GRIA1: variants seen among roughly 807,000 people sequenced by gnomAD.
The protein encoded by GRIA1 is glutamate receptor 1.
GRIA1 carries 31 observed loss-of-function variants against 99.2 expected under a neutral mutation model. The ratio of observed to expected loss-of-function variants is 0.31; its 90% confidence interval spans 0.23 to 0.42. The LOEUF (loss-of-function observed/expected upper bound fraction) is 0.42, where lower values mean the gene tolerates loss of function less well. Ranked by LOEUF, GRIA1 falls within the 10% of genes least tolerant of loss-of-function variation. The pLI is 1.00. For synonymous variants in GRIA1, 438 were observed against 432.4 expected, an observed-to-expected ratio of 1.01 and a Z score of -0.16; for missense variants, 782 against 1,157.5, an observed-to-expected ratio of 0.68 and a Z score of 4.71.
intron 11 of GRIA1, among the ~76,000 whole-genome samples, chr5:153,730,322 C>G (rs1760914160): frequency 6.6e-6 from 1 of 152,006 alleles, no homozygotes; most frequent in African/African-American, 2.4e-5. Context: ...GCCTTGCCCA[C>G]CCCTATAACT....
chr5:153,660,894 G>A (rs1755323086), intron 5 of GRIA1, among the ~76,000 whole-genome samples: 1 of 152,190 alleles, frequency 6.6e-6, no homozygotes, highest in Non-Finnish European at 1.5e-5. Flanking sequence ...TGTGACAGAA[G>A]CTGAGGAAGA....
rs554135785 is a variant in GRIA1 at position 153,657,282 on chromosome 5, C to T, written c.699+1410C>T. Among the ~76,000 whole-genome samples, 6 of 152,286 alleles carry T rather than the reference C, an allele frequency of 3.9e-5. No homozygotes were observed. The East Asian group carries it at 9.7e-4, about 24-fold the overall frequency. On this transcript the variant is annotated intron_variant, in intron 5 of 15. Coordinates refer to ENST00000285900, the MANE Select transcript of GRIA1 (RefSeq NM_000827.4). The stretch of plus-strand genomic sequence containing the variant: ...CCAAAATTATTTTCCAAAGTGGCTG[C>T]ATCACCCATCAAATTTTAATCAATA...
rs560522495 is a variant in GRIA1, at chr5:153,567,697, T to A, written c.220+73632T>A. On this transcript the variant is annotated intron_variant, in intron 2 of 15. Coordinates refer to ENST00000285900, the MANE Select transcript of GRIA1 (RefSeq NM_000827.4). The stretch of plus-strand genomic sequence containing the variant: ...TGATGACCTGAAGACAGAGTCCACC[T>A]TATGGGAAGCAGTGGAGCAAAAGCA... 2.0e-5 allele frequency among the ~76,000 whole-genome samples: 3 copies of A among 152,160 alleles called. No individual in the cohort carries two copies. The East Asian group carries it at 5.8e-4, about 29-fold the overall frequency.
intron 2 of GRIA1, among the ~76,000 whole-genome samples, chr5:153,501,385 G>A (rs147065858): frequency 4.6e-5 from 7 of 152,136 alleles, no homozygotes; most frequent in South Asian, 2.1e-4. Flanking sequence ...GAACCAGCTC[G>A]TGCAGGAGGA....
At chr5:153,804,740 T>A (rs150971678) in intron 15 of GRIA1, among the ~76,000 whole-genome samples, 1,366 of 40,090 alleles carry the variant, frequency 0.034, 5 homozygotes, top group Middle Eastern at 0.077. Flanking sequence ...TTAATTTATT[T>A]ATTTATTTAT....
chr5:153,744,570 G>A (rs6895523), intron 11 of GRIA1, among the ~76,000 whole-genome samples: 28 of 152,280 alleles, frequency 1.8e-4, no homozygotes, highest in African/African-American at 6.7e-4. Flanking sequence ...CCTACTTATG[G>A]AGTTTCACAT....
At chr5:153,803,204 C>A (rs1380323534) in intron 15 of GRIA1, among the ~76,000 whole-genome samples, 4 of 152,148 alleles carry the variant, frequency 2.6e-5, no homozygotes, top group Non-Finnish European at 4.4e-5. Flanking sequence ...AAAGAGCTAT[C>A]TAAAGAAAGG....
At chr5:153,590,138 G>T (rs1474866351) in intron 2 of GRIA1, among the ~76,000 whole-genome samples, 2 of 152,158 alleles carry the variant, frequency 1.3e-5, no homozygotes, top group Non-Finnish European at 2.9e-5. Context: ...ACATTTTCAA[G>T]TATCATTATA....
chr5:153,738,921 C>T (rs550303490), intron 11 of GRIA1, among the ~76,000 whole-genome samples: 3 of 151,690 alleles, frequency 2.0e-5, no homozygotes, highest in Admixed American at 6.6e-5. Flanking sequence ...GGGGTTTTAC[C>T]GTGTTAGCCA....
At chr5:153,717,567 A>T (rs1759755663) in intron 11 of GRIA1, among the ~76,000 whole-genome samples, 1 of 152,032 alleles carries the variant, frequency 6.6e-6, no homozygotes, top group Non-Finnish European at 1.5e-5. Context: ...GTTTAATGAT[A>T]AACCCAATAC....
intron 11 of GRIA1, chr5:153,755,438 G>C (rs992523958): frequency 1.3e-5 from 2 of 152,160 alleles, no homozygotes; most frequent in African/African-American, 4.8e-5. Flanking sequence ...TGAGGCAGGG[G>C]GATTACTTGA....
intron 2 of GRIA1, among the ~76,000 whole-genome samples, chr5:153,496,708 G>A (rs771795702): frequency 2.0e-5 from 3 of 152,184 alleles, no homozygotes; most frequent in African/African-American, 4.8e-5. Flanking sequence ...AAAAATGTCA[G>A]TGGGAGCAAA....
chr5:153,517,286 T>C (rs768432401), intron 2 of GRIA1, among the ~76,000 whole-genome samples: 1 of 152,212 alleles, frequency 6.6e-6, no homozygotes, highest in Non-Finnish European at 1.5e-5. Context: ...AGTGCCTGCA[T>C]GGCTTTATTT....
At chr5:153,795,637 A>G (rs758480843) in intron 14 of GRIA1, 3 of 1,021,022 alleles carry the variant, frequency 2.9e-6, no homozygotes, top group Non-Finnish European at 3.1e-6. Context: ...ACAAAAATGC[A>G]CAGTGTTGAA....
At position 153,577,154 on chromosome 5, in the gene GRIA1, TTGGATGGATGGA is replaced by T. The variant is rs35199031; in HGVS notation, c.221-69738_221-69727del. Among the ~76,000 whole-genome samples the T allele has an allele frequency of 7.4e-3, 893 of 120,040 alleles. 18 individuals are homozygous for T. The highest frequency in any genetic ancestry group is 0.019 in the African/African-American group (636 of 33,794). 78.8% of individuals were successfully genotyped at this position (120,040 alleles called of 152,430 possible). On this transcript the variant is annotated intron_variant, in intron 2 of 15. Transcript: ENST00000285900. Reference sequence around the variant, plus strand: ...GGTGGATGGATGGATGGATGGATGGTTGGATGGATGGATGGATGGATGGATGGATGGATGGAT... The same window carrying T: ...GGTGGATGGATGGATGGATGGATGGTTGGATGGATGGATGGATGGATGGAT...
At chr5:153,553,150 C>T (rs1465639679) in intron 2 of GRIA1, among the ~76,000 whole-genome samples, 1 of 152,146 alleles carries the variant, frequency 6.6e-6, no homozygotes. Context: ...ACTTACATTC[C>T]AACATTCCTT....
intron 7 of GRIA1, among the ~76,000 whole-genome samples, chr5:153,683,422 A>G (rs900810404): frequency 6.6e-6 from 1 of 152,122 alleles, no homozygotes; most frequent in African/African-American, 2.4e-5. Flanking sequence ...CCTGGAGTCA[A>G]GCGCCATCAG....
At chr5:153,587,668 G>T (rs944871501) in intron 2 of GRIA1, among the ~76,000 whole-genome samples, 1 of 151,966 alleles carries the variant, frequency 6.6e-6, no homozygotes, top group Admixed American at 6.5e-5. Flanking sequence ...TATCATTCTG[G>T]TCCAAGATAT....
At chr5:153,674,019 A>G (rs956223645) in intron 5 of GRIA1, among the ~76,000 whole-genome samples, 1 of 152,172 alleles carries the variant, frequency 6.6e-6, no homozygotes, top group African/African-American at 2.4e-5. Flanking sequence ...TGAAATTCAG[A>G]TTCCTCTTCT....
Sources: gnomAD v4.1 joint callset for allele counts (sites outside exome capture counted in the v4.1 genomes callset) on GRCh38, gnomAD v4.1.1 for gene constraint, MANE v1.5 for transcripts, NCBI Gene and HGNC (gene_info 2026-07-23, HGNC 2026-07-21) for gene names.